RALGAPA2: variants seen among roughly 807,000 people sequenced by gnomAD.
RALGAPA2 encodes Ral GTPase activating protein catalytic subunit alpha 2.
RALGAPA2 carries 139 observed loss-of-function variants against 230.4 expected under a neutral mutation model. The observed-to-expected ratio is 0.60, with a 90% CI of 0.53 to 0.69. The LOEUF is 0.69. Among genes scored for constraint, RALGAPA2 ranks in the 30% least tolerant of loss-of-function variants. The pLI is 0.00. For synonymous variants in RALGAPA2, 847 were observed against 837.8 expected (o/e 1.01, Z -0.19); for missense variants, 2,163 against 2,276.0 (o/e 0.95, Z 1.01).
chr20:20,659,683 C>G, intron 3 of RALGAPA2: 1 of 387,048 alleles, frequency 2.6e-6, no homozygotes, highest in South Asian at 2.4e-5. Flanking sequence ...ATAAAATAAT[C>G]TGAATGGCAA....
chr20:20,616,395 A>T (rs2066142529), intron 12 of RALGAPA2, among the ~76,000 whole-genome samples: 1 of 152,160 alleles, frequency 6.6e-6, no homozygotes, highest in Admixed American at 6.5e-5. Flanking sequence ...AAATACAGAG[A>T]CACCTGAAAA....
chr20:20,489,612 CAT>C (rs1277703730), intron 36 of RALGAPA2, among the ~76,000 whole-genome samples: 2 of 150,188 alleles, frequency 1.3e-5, no homozygotes, highest in African/African-American at 4.9e-5. Context: ...CAAACTAATA[CAT>C]TTCAAGTATA....
intron 9 of RALGAPA2, among the ~76,000 whole-genome samples, chr20:20,632,037 T>C (rs1342362585): frequency 6.6e-6 from 1 of 151,848 alleles, no homozygotes; most frequent in Non-Finnish European, 1.5e-5. Context: ...CTTTTTTTTT[T>C]TTTTTGAGAC....
At chr20:20,609,526 AACC>A (rs978446434) in intron 14 of RALGAPA2, among the ~76,000 whole-genome samples, 2 of 152,130 alleles carry the variant, frequency 1.3e-5, no homozygotes, top group African/African-American at 4.8e-5. Flanking sequence ...AAAACCAACC[AACC>A]AACCAAAAAC....
chr20:20,617,652 T>A (rs915740547), intron 12 of RALGAPA2, among the ~76,000 whole-genome samples: 2 of 152,220 alleles, frequency 1.3e-5, no homozygotes, highest in African/African-American at 4.8e-5. Context: ...GAGTATTTCT[T>A]ATTAATGTGC....
At chr20:20,671,679 T>C (rs982162206) in intron 3 of RALGAPA2, among the ~76,000 whole-genome samples, 18 of 152,214 alleles carry the variant, frequency 1.2e-4, no homozygotes, top group Non-Finnish European at 7.3e-5. Context: ...AATATATATT[T>C]GTTCTATTAT....
chr20:20,569,025 T>C (rs2064540141), intron 23 of RALGAPA2, among the ~76,000 whole-genome samples: 2 of 152,214 alleles, frequency 1.3e-5, no homozygotes, highest in African/African-American at 4.8e-5. Flanking sequence ...CACAGGTACA[T>C]AGTTTGTTAA....
intron 37 of RALGAPA2, 113 bp from the exon 38 acceptor site, chr20:20,412,261 C>A: frequency 7.2e-7 from 1 of 1,392,092 alleles, no homozygotes; most frequent in Non-Finnish European, 9.9e-7. Context: ...AAGTATCCTG[C>A]AGGTTCTTTA....
Position 20,513,175 on chromosome 20 carries a change from C to T in RALGAPA2, c.4194G>A (p.Leu1398=). Residue 1398 remains leucine, a synonymous_variant, in exon 32 of 40, where the codon CTG becomes CTA. Transcript: ENST00000202677. ...CATGGTTCTCGCTGACAAGGCTGTG[C>T]AGTATGGCAGGGCCCCCACTGAGGG... ...HYPLSGGPAI[L]HSLVSENHDN... The T allele has an allele frequency of 1.3e-6, 2 of 1,538,560 alleles. No individual in the cohort carries two copies. The highest frequency in any genetic ancestry group is 8.7e-7 in the Non-Finnish European group (1 of 1,146,566).
chr20:20,638,093 T>G (rs1370098155), intron 7 of RALGAPA2, among the ~76,000 whole-genome samples: 3 of 152,170 alleles, frequency 2.0e-5, no homozygotes, highest in African/African-American at 7.2e-5. Context: ...TGAGATAATA[T>G]CCTCCCCCTC....
At chr20:20,411,065 G>A (rs1288114198) in intron 38 of RALGAPA2, among the ~76,000 whole-genome samples, 3 of 152,090 alleles carry the variant, frequency 2.0e-5, no homozygotes, top group Non-Finnish European at 4.4e-5. Flanking sequence ...TTCACTTTGT[G>A]TATAAGATAT....
intron 10 of RALGAPA2, 146 bp from the exon 11 acceptor site, chr20:20,620,776 C>T: frequency 1.6e-6 from 1 of 610,372 alleles, no homozygotes; most frequent in Non-Finnish European, 2.6e-6. Context: ...GGCCACAAAT[C>T]TTTGTGCACA....
In RALGAPA2 at chr20:20,558,227, A is replaced by T. The variant is rs957845285; in HGVS notation, c.3157-11395T>A. On this transcript the variant is annotated intron_variant, in intron 23 of 39. Transcript: ENST00000202677. ...CGCCATGTTGGCCAGGCTGGTCTTG[A>T]ACTTCTGACCTCAGGTGATCCACCC... Among the ~76,000 whole-genome samples, 3 of 152,094 alleles carry T rather than the reference A, an allele frequency of 2.0e-5. No homozygotes were observed. In the East Asian group the frequency reaches 5.8e-4, roughly 29 times the overall value.
intron 1 of RALGAPA2, among the ~76,000 whole-genome samples, chr20:20,698,411 G>C (rs1019338768): frequency 2.6e-5 from 4 of 151,870 alleles, no homozygotes; most frequent in African/African-American, 9.7e-5. Flanking sequence ...TTTTGTTTGA[G>C]ATGGAGTCTC....
intron 38 of RALGAPA2, among the ~76,000 whole-genome samples, chr20:20,409,499 G>A (rs534033144): frequency 2.6e-5 from 4 of 152,292 alleles, no homozygotes; most frequent in African/African-American, 9.6e-5. Context: ...TGGTCTGATT[G>A]GGTCCTAAGT....
At chr20:20,566,381 C>A (rs1445558005) in intron 23 of RALGAPA2, among the ~76,000 whole-genome samples, 1 of 152,182 alleles carries the variant, frequency 6.6e-6, no homozygotes, top group Non-Finnish European at 1.5e-5. Context: ...ACAAATGTAT[C>A]AATCGGTATG....
At chr20:20,662,381 A>G (rs2067811648) in intron 3 of RALGAPA2, among the ~76,000 whole-genome samples, 1 of 152,210 alleles carries the variant, frequency 6.6e-6, no homozygotes, top group Non-Finnish European at 1.5e-5. Context: ...ACGAAAAATA[A>G]TCAACATTGT....
In RALGAPA2 at chr20:20,472,873, G is replaced by A. The variant is rs778013504; in HGVS notation, c.5451C>T (p.Asn1817=). 1.5e-5 allele frequency: 24 copies of A among 1,613,494 alleles called. No homozygotes were observed. The highest frequency in any genetic ancestry group is 4.5e-5 in the East Asian group (2 of 44,884). ...LPSLVCATCI[N]ASRAVKCLIP... ...TGAGGCACTTCACAGCCCTGCTGGC[G>A]TTGATGCACGTGGCACATACAAGGC... The change falls in exon 37 of 40, where the codon AAC becomes AAT. Residue 1817 remains asparagine (N), a synonymous_variant. Coordinates refer to ENST00000202677, the MANE Select transcript of RALGAPA2 (RefSeq NM_020343.4).
At position 20,516,367 on chromosome 20, in the gene RALGAPA2, A is replaced by G. The variant is rs549871027; in HGVS notation, c.4085-3083T>C. Among the ~76,000 whole-genome samples the G allele has an allele frequency of 2.0e-5, 3 of 152,314 alleles. No homozygotes were observed. In the South Asian group the frequency reaches 6.2e-4, roughly 32 times the overall value. On this transcript the variant is annotated intron_variant, in intron 31 of 39. Coordinates refer to ENST00000202677, the MANE Select transcript of RALGAPA2 (RefSeq NM_020343.4). ...TAGGGCAAGCTCAAATCCCACAGCT[A>G]GTACTGCAGCTGGTGCTCTCTTGCA... is the stretch of plus-strand genomic sequence containing the variant.
Sources: allele counts gnomAD v4.1 joint callset (sites outside exome capture counted in the v4.1 genomes callset), GRCh38; gene constraint gnomAD v4.1.1; transcripts MANE v1.5; gene names NCBI Gene and HGNC (gene_info 2026-07-23, HGNC 2026-07-21).